The following GRHL3 variants were observed in gnomAD, a reference collection of about 807,000 sequenced individuals.
GRHL3 encodes the protein grainyhead like transcription factor 3.
Under a neutral mutation model 70.3 loss-of-function variants are expected in GRHL3, and 20 were observed. The ratio of observed to expected loss-of-function variants is 0.28; its 90% CI spans 0.20 to 0.41. GRHL3 has a LOEUF of 0.41. Among genes scored for constraint, GRHL3 ranks in the 10% least tolerant of loss-of-function variants. GRHL3 has a pLI of 1.00. For missense variants in GRHL3, 637 were observed against 762.3 expected (o/e 0.84, Z 1.94); for synonymous variants, 299 against 299.9 (o/e 1.00, Z 0.03).
In GRHL3 at chr1:24,347,008, TC is replaced by T. The variant is rs1640313327; in HGVS notation, c.1543+369del. 3.9e-5 allele frequency among the ~76,000 whole-genome samples: 6 copies of T among 152,190 alleles called. No homozygotes were observed. In the South Asian group the frequency reaches 1.2e-3, roughly 32 times the overall value. On this transcript the variant is annotated intron_variant, in intron 13 of 15. Transcript: ENST00000361548. ...GCTTTGACCCTCTAAATCTGTTACT[TC>T]CTTGGGGTGGGGAACAAGCCCAAAC...
intron 3 of GRHL3, among the ~76,000 whole-genome samples, 154 bp from the exon 4 acceptor site, chr1:24,336,328 T>C (rs1472524062): frequency 2.0e-5 from 3 of 152,072 alleles, no homozygotes; most frequent in South Asian, 2.1e-4. Flanking sequence ...CTGTGGCCAA[T>C]TGGGCTGCTA....
At chr1:24,358,691 T>C (rs111484075), downstream of GRHL3, 1,967 of 1,271,472 alleles carry the variant, frequency 1.5e-3, 8 homozygotes, top group South Asian at 1.7e-3. Flanking sequence ...GCATTCTACC[T>C]CAGAGCTGGA....
intron 3 of GRHL3, among the ~76,000 whole-genome samples, chr1:24,335,716 G>A (rs1639777429): frequency 6.6e-6 from 1 of 151,856 alleles, no homozygotes; most frequent in Non-Finnish European, 1.5e-5. Context: ...CCGAGCAGCT[G>A]GGACTACAGG....
Position 24,337,162 on chromosome 1 carries a change from C to A in GRHL3, c.686+11C>A, listed in dbSNP as rs746960105. 2.5e-6 allele frequency: 4 copies of A among 1,607,698 alleles called. No homozygotes were observed. The highest frequency in any genetic ancestry group is 3.4e-6 in the Non-Finnish European group (4 of 1,174,678). On this transcript the variant is annotated intron_variant, in intron 5 of 15. Coordinates refer to ENST00000361548, the MANE Select transcript of GRHL3 (RefSeq NM_198173.3). ...CCCCAGCCTCAAAAGGTAACTTGGTCTCCCTGGACCCTCAGACACCTGGGC... is the reference window on the plus strand; with the variant it reads ...CCCCAGCCTCAAAAGGTAACTTGGTATCCCTGGACCCTCAGACACCTGGGC...
chr1:24,342,850 G>A lies in GRHL3; in HGVS notation c.1286-42G>A, dbSNP rs370284416. 6.2e-6 allele frequency: 10 copies of A among 1,614,202 alleles called. No individual in the cohort carries two copies. The East Asian group carries it at 1.3e-4, about 22-fold the overall frequency. ...GAGACCAGAGGTGGGAGGGACTTGA[G>A]TGGAGGGACCTCGGGGCACATTGGC... On this transcript the variant is annotated intron_variant, in intron 10 of 15. Transcript: ENST00000361548. This position sits in a 1 kb window ranked among gnomAD's most constrained non-coding sequence, Gnocchi z 4.8.
At chr1:24,352,395 G>A (rs1640549236) in intron 15 of GRHL3, among the ~76,000 whole-genome samples, 1 of 152,218 alleles carries the variant, frequency 6.6e-6, no homozygotes, top group South Asian at 2.1e-4. Context: ...CTGGCCAGGG[G>A]TTTAATGTGA....
At chr1:24,337,005 T>C (rs969857236) in intron 4 of GRHL3, 73 bp from the exon 5 acceptor site, 27 of 1,437,372 alleles carry the variant, frequency 1.9e-5, no homozygotes, top group African/African-American at 2.8e-5. Flanking sequence ...ATAGCTGTAA[T>C]GCACAGCCCT....
chr1:24,353,559 T>C (rs370445547), intron 15 of GRHL3, among the ~76,000 whole-genome samples: 3 of 150,048 alleles, frequency 2.0e-5, no homozygotes, highest in East Asian at 3.9e-4. Flanking sequence ...GGATGGGGAG[T>C]GTGTGTATGT....
intron 15 of GRHL3, among the ~76,000 whole-genome samples, chr1:24,353,441 C>T (rs1164281102): frequency 4.3e-5 from 6 of 138,850 alleles, no homozygotes; most frequent in East Asian, 2.1e-4. Context: ...GGTAGATGGA[C>T]GAGTAGATGC....
At chr1:24,323,698 C>T (rs1035709118) in intron 1 of GRHL3, among the ~76,000 whole-genome samples, 2 of 152,198 alleles carry the variant, frequency 1.3e-5, no homozygotes, top group African/African-American at 4.8e-5. Flanking sequence ...GTTCCTTTCC[C>T]TCTCTTGCCT....
chr1:24,360,945 T>C (rs1270364503), intron 15 of GRHL3: 1 of 1,613,944 alleles, frequency 6.2e-7, no homozygotes, highest in Non-Finnish European at 8.5e-7. Flanking sequence ...TGCGGGGGCC[T>C]AAGTAGTCCA....
At chr1:24,360,912 T>A (rs1641066898) in intron 15 of GRHL3, 2 of 1,613,902 alleles carry the variant, frequency 1.2e-6, no homozygotes, top group Non-Finnish European at 1.7e-6. Flanking sequence ...TGGACACGAA[T>A]GATGCACTAG....
intron 1 of GRHL3, chr1:24,323,251 A>G (rs1037104929): frequency 6.9e-5 from 46 of 662,930 alleles, no homozygotes; most frequent in African/African-American, 6.5e-4. Flanking sequence ...TGGTCCGTGG[A>G]CCATCATCAT....
downstream of GRHL3, among the ~76,000 whole-genome samples, chr1:24,359,015 T>C (rs1208073839): frequency 6.6e-6 from 1 of 152,160 alleles, no homozygotes. This position sits in a 1 kb window ranked among gnomAD's most constrained non-coding sequence, Gnocchi z 5.3. Flanking sequence ...CATGGTTCTA[T>C]AGGAGATGAG....
At chr1:24,348,816 G>C (rs1168961134) in intron 14 of GRHL3, among the ~76,000 whole-genome samples, 1 of 152,196 alleles carries the variant, frequency 6.6e-6, no homozygotes, top group Non-Finnish European at 1.5e-5. Context: ...TTGCCAGGAG[G>C]AATCTCTGTT....
intron 1 of GRHL3, among the ~76,000 whole-genome samples, chr1:24,327,810 A>AT (rs573761117): frequency 1.5e-4 from 23 of 152,016 alleles, no homozygotes; most frequent in South Asian, 1.0e-3. Context: ...GGGACAACTT[A>AT]TTTTTTTCCC....
In GRHL3 at chr1:24,335,784, A is replaced by G. The variant is rs545352837; in HGVS notation, c.267-698A>G. On this transcript the variant is annotated intron_variant, in intron 3 of 15. Coordinates refer to ENST00000361548, the MANE Select transcript of GRHL3 (RefSeq NM_198173.3). ...TTTTTAGTAGAGATGGGGTTTCACC[A>G]TATTAGCCAGGATGGTCTCGATCTC... is the stretch of plus-strand genomic sequence containing the variant. 8.5e-5 allele frequency among the ~76,000 whole-genome samples: 13 copies of G among 152,096 alleles called. No individual in the cohort carries two copies. The South Asian group carries it at 1.7e-3, about 19-fold the overall frequency.
intron 1 of GRHL3, 132 bp from the exon 2 acceptor site, chr1:24,331,294 A>G (rs1569866789): frequency 1.3e-6 from 1 of 779,440 alleles, no homozygotes; most frequent in African/African-American, 1.7e-5. Flanking sequence ...ACACTGCCTA[A>G]TGGTGGCAGA....
chr1:24,336,837 C>T lies in GRHL3; in HGVS notation c.612+10C>T. The T allele has an allele frequency of 1.3e-6, 2 of 1,573,814 alleles. No individual in the cohort carries two copies. Among genetic ancestry groups the T allele is most frequent in the Non-Finnish European group, 1.7e-6 (2 of 1,152,256 alleles). On this transcript the variant is annotated intron_variant, in intron 4 of 15. Transcript: ENST00000361548. Reference sequence around the variant, plus strand: ...AGATGACCCACAGGAGGTGAGGGCGCATCCCCGCTCCCCTATAGCATAGAT... The same window carrying T: ...AGATGACCCACAGGAGGTGAGGGCGTATCCCCGCTCCCCTATAGCATAGAT...
Sources: gnomAD v4.1 joint callset for allele counts (sites outside exome capture counted in the v4.1 genomes callset) on GRCh38, gnomAD v4.1.1 for gene constraint, Gnocchi (gnomAD v3.1) non-coding constraint, MANE v1.5 for transcripts, NCBI Gene and HGNC (gene_info 2026-07-23, HGNC 2026-07-21) for gene names.